KHDRBS3: variants seen among roughly 807,000 people sequenced by gnomAD.
KHDRBS3 encodes the protein KH domain-containing, RNA-binding, signal transduction-associated protein 3.
In KHDRBS3, 23 loss-of-function variants were observed where a neutral mutation model predicts 45.6. The observed-to-expected ratio is 0.50, with a 90% CI of 0.36 to 0.72. The LOEUF is 0.72. KHDRBS3 is among the 30% of genes least tolerant of loss of function. KHDRBS3 has a pLI of 0.00. For missense variants in KHDRBS3, 352 were observed against 424.8 expected (o/e 0.83, Z 1.51); for synonymous variants, 162 against 156.5 (o/e 1.04, Z -0.26).
rs1007062287 is a variant in KHDRBS3 at position 135,595,505 on chromosome 8, C to T, written c.808-11450C>T. On this transcript the variant is annotated intron_variant, in intron 6 of 8. Transcript: ENST00000355849. ...CAAGCAGATCTGTTATTAGACTATG[C>T]GATAATCTGAAGGTTACTCAGTAAG... is the stretch of plus-strand genomic sequence containing the variant. Among the ~76,000 whole-genome samples the T allele has an allele frequency of 3.9e-5, 6 of 152,104 alleles. No homozygotes were observed. In the East Asian group the frequency reaches 1.2e-3, roughly 29 times the overall value.
At chr8:135,546,152 A>C (rs1826291603) in intron 3 of KHDRBS3, among the ~76,000 whole-genome samples, 1 of 151,796 alleles carries the variant, frequency 6.6e-6, no homozygotes, top group African/African-American at 2.4e-5. Flanking sequence ...AAAATAAATA[A>C]ATTAAAAAAA....
chr8:135,601,148 G>A (rs990473085), intron 6 of KHDRBS3, among the ~76,000 whole-genome samples: 1 of 152,206 alleles, frequency 6.6e-6, no homozygotes, highest in African/African-American at 2.4e-5. Flanking sequence ...AAACAGAGAA[G>A]GATTTGGCCT....
chr8:135,607,854 T>G (rs1829534863), intron 7 of KHDRBS3, among the ~76,000 whole-genome samples: 1 of 152,198 alleles, frequency 6.6e-6, no homozygotes, highest in South Asian at 2.1e-4. Context: ...ACACATAGGT[T>G]CTCTTTATTT....
At chr8:135,534,188 T>A (rs1290043321) in intron 2 of KHDRBS3, among the ~76,000 whole-genome samples, 1 of 151,174 alleles carries the variant, frequency 6.6e-6, no homozygotes, top group Non-Finnish European at 1.5e-5. Context: ...CTAATACTAA[T>A]ATCCTTTATT....
intron 7 of KHDRBS3, chr8:135,625,969 C>T (rs1192941991): frequency 1.1e-5 from 9 of 783,358 alleles, no homozygotes; most frequent in Non-Finnish European, 2.1e-5. Context: ...GTTGAGTATA[C>T]GTTCACTGCC....
At chr8:135,500,355 A>G (rs780585621) in intron 1 of KHDRBS3, among the ~76,000 whole-genome samples, 10 of 152,176 alleles carry the variant, frequency 6.6e-5, no homozygotes, top group Non-Finnish European at 1.0e-4. Flanking sequence ...TTTCCAAAGA[A>G]TAGAAACTGA....
chr8:135,543,988 A>G (rs1826168252), intron 3 of KHDRBS3, among the ~76,000 whole-genome samples: 1 of 152,172 alleles, frequency 6.6e-6, no homozygotes, highest in Non-Finnish European at 1.5e-5. Flanking sequence ...TACTCACTAA[A>G]CATTGCTCTC....
chr8:135,485,455 G>C (rs974540823), intron 1 of KHDRBS3, among the ~76,000 whole-genome samples: 1 of 152,122 alleles, frequency 6.6e-6, no homozygotes, highest in Admixed American at 6.5e-5. Context: ...AAAGTATGAC[G>C]GTCTATGGCA....
chr8:135,566,519 T>G (rs1043005905), intron 5 of KHDRBS3, among the ~76,000 whole-genome samples: 5 of 152,094 alleles, frequency 3.3e-5, no homozygotes, highest in African/African-American at 4.8e-5. Flanking sequence ...ATGAAAGAAA[T>G]GCCGAGATAG....
intron 7 of KHDRBS3, among the ~76,000 whole-genome samples, chr8:135,643,764 T>A (rs1330933642): frequency 6.6e-6 from 1 of 152,224 alleles, no homozygotes; most frequent in Non-Finnish European, 1.5e-5. Flanking sequence ...TATACTGTTC[T>A]CCATGCAATT....
At chr8:135,526,215 T>A (rs1825177772) in intron 2 of KHDRBS3, among the ~76,000 whole-genome samples, 1 of 152,142 alleles carries the variant, frequency 6.6e-6, no homozygotes, top group Admixed American at 6.6e-5. Context: ...TGTGTTCACA[T>A]CATTATTGAC....
chr8:135,576,742 C>G (rs1827962862), intron 5 of KHDRBS3, among the ~76,000 whole-genome samples: 1 of 152,098 alleles, frequency 6.6e-6, no homozygotes, highest in East Asian at 1.9e-4. Flanking sequence ...GCTGCTGGCC[C>G]GCTTGTTGTT....
intron 6 of KHDRBS3, among the ~76,000 whole-genome samples, chr8:135,586,860 G>A (rs1197052204): frequency 6.6e-6 from 1 of 152,050 alleles, no homozygotes; most frequent in Admixed American, 6.6e-5. Flanking sequence ...CACATCAGTG[G>A]TTTACTTAAA....
chr8:135,628,147 C>A (rs982291359), intron 7 of KHDRBS3, among the ~76,000 whole-genome samples: 1 of 151,926 alleles, frequency 6.6e-6, no homozygotes, highest in Non-Finnish European at 1.5e-5. Context: ...CTCATGTCCC[C>A]CAAAACTGGT....
At chr8:135,602,691 T>A (rs1205116884) in intron 6 of KHDRBS3, among the ~76,000 whole-genome samples, 1 of 152,204 alleles carries the variant, frequency 6.6e-6, no homozygotes, top group Admixed American at 6.5e-5. Context: ...GTAACCATGA[T>A]CTTTGCATTT....
intron 4 of KHDRBS3, among the ~76,000 whole-genome samples, chr8:135,554,499 A>C (rs16905406): frequency 0.019 from 2,830 of 152,222 alleles, 89 homozygotes; most frequent in African/African-American, 0.063. Context: ...TACTAATAGG[A>C]TTATTTTAGA....
intron 7 of KHDRBS3, among the ~76,000 whole-genome samples, chr8:135,622,683 G>T (rs189350201): frequency 3.3e-5 from 5 of 152,270 alleles, no homozygotes; most frequent in African/African-American, 1.2e-4. Context: ...AAAAACAAAT[G>T]CAAGATTCAC....
At chr8:135,491,075 C>A (rs1034007764) in intron 1 of KHDRBS3, among the ~76,000 whole-genome samples, 1 of 152,038 alleles carries the variant, frequency 6.6e-6, no homozygotes, top group Non-Finnish European at 1.5e-5. Flanking sequence ...GTATATTTTT[C>A]TCCTTTAATT....
intron 1 of KHDRBS3, among the ~76,000 whole-genome samples, chr8:135,509,962 CT>C (rs368530191): frequency 7.9e-6 from 1 of 126,900 alleles, no homozygotes; most frequent in South Asian, 2.4e-4. Context: ...TTGAAATTTT[CT>C]TTCCCCCCCC....
Sources: allele counts gnomAD v4.1 joint callset (sites outside exome capture counted in the v4.1 genomes callset), GRCh38; gene constraint gnomAD v4.1.1; transcripts MANE v1.5; gene names NCBI Gene and HGNC (gene_info 2026-07-23, HGNC 2026-07-21).